The following LRP1B variants were observed in gnomAD, a reference collection of about 807,000 sequenced individuals.
LRP1B encodes the protein LDL receptor related protein 1B.
Under a neutral mutation model 556.6 loss-of-function variants are expected in LRP1B, and 217 were observed. The ratio of observed to expected loss-of-function variants is 0.39; its 90% CI spans 0.35 to 0.44. The LOEUF (loss-of-function observed/expected upper bound fraction) is 0.44. Among genes scored for constraint, LRP1B ranks in the 20% least tolerant of loss-of-function variants. The pLI is 1.00. For missense variants in LRP1B, 5,053 were observed against 5,620.8 expected, an observed-to-expected ratio of 0.90 and a Z score of 3.23; for synonymous variants, 2,047 against 1,865.8, an observed-to-expected ratio of 1.10 and a Z score of -2.50.
chr2:140,386,307 C>G (rs1237356078), intron 66 of LRP1B, among the ~76,000 whole-genome samples: 1 of 152,218 alleles, frequency 6.6e-6, no homozygotes, highest in Non-Finnish European at 1.5e-5. Flanking sequence ...GGCATGGTGG[C>G]TCACGCCTGT....
At chr2:140,650,040 A>G (rs1445592284) in intron 41 of LRP1B, among the ~76,000 whole-genome samples, 1 of 152,148 alleles carries the variant, frequency 6.6e-6, no homozygotes, top group Non-Finnish European at 1.5e-5. Flanking sequence ...ATTTACTTTT[A>G]TATTCAACTT....
At chr2:141,215,871 G>A (rs185822116) in intron 6 of LRP1B, among the ~76,000 whole-genome samples, 2 of 152,334 alleles carry the variant, frequency 1.3e-5, no homozygotes, top group East Asian at 1.9e-4. Context: ...AGGAAGCAGA[G>A]TATAAAAGTT....
At chr2:141,510,236 C>CACACA (rs1553524111) in intron 2 of LRP1B, among the ~76,000 whole-genome samples, 9,654 of 131,966 alleles carry the variant, frequency 0.073, 433 homozygotes, top group East Asian at 0.16. Flanking sequence ...ACACACACAC[C>CACACA]CCCCACAGTC....
intron 7 of LRP1B, among the ~76,000 whole-genome samples, chr2:141,093,357 G>A (rs1031076845): frequency 6.6e-6 from 1 of 152,088 alleles, no homozygotes; most frequent in African/African-American, 2.4e-5. Context: ...CATCAAAGGA[G>A]AATAAAATGT....
At chr2:141,509,511 TA>T (rs2105148491) in intron 2 of LRP1B, among the ~76,000 whole-genome samples, 1 of 152,264 alleles carries the variant, frequency 6.6e-6, no homozygotes, top group East Asian at 1.9e-4. Flanking sequence ...AATCTTCTTT[TA>T]AAAATCTGAA....
At chr2:141,312,809 C>A (rs1393594939) in intron 3 of LRP1B, among the ~76,000 whole-genome samples, 2 of 151,988 alleles carry the variant, frequency 1.3e-5, no homozygotes, top group African/African-American at 4.8e-5. Flanking sequence ...TTGCCTCAGC[C>A]TCCTGAGTAG....
At chr2:140,846,499 G>T (rs190126575) in intron 29 of LRP1B, among the ~76,000 whole-genome samples, 1 of 152,194 alleles carries the variant, frequency 6.6e-6, no homozygotes, top group Non-Finnish European at 1.5e-5. Context: ...GGAGTTTGCA[G>T]TGAGCCCAGA....
At chr2:141,877,335 G>C (rs1000918934) in intron 1 of LRP1B, among the ~76,000 whole-genome samples, 1 of 151,970 alleles carries the variant, frequency 6.6e-6, no homozygotes, top group Non-Finnish European at 1.5e-5. Context: ...GGAAGTAGCA[G>C]TCTAGCAAGG....
At chr2:141,424,942 A>C (rs1397296154) in intron 3 of LRP1B, among the ~76,000 whole-genome samples, 1 of 152,008 alleles carries the variant, frequency 6.6e-6, no homozygotes, top group Non-Finnish European at 1.5e-5. Context: ...ATTATACTTT[A>C]AGTTTTAGGG....
intron 1 of LRP1B, among the ~76,000 whole-genome samples, chr2:141,933,324 A>G (rs1045886989): frequency 2.0e-5 from 3 of 152,122 alleles, no homozygotes; most frequent in Non-Finnish European, 4.4e-5. Context: ...GACAGTTAAG[A>G]AATACTCTGA....
intron 9 of LRP1B, among the ~76,000 whole-genome samples, chr2:141,057,108 C>A (rs1265781142): frequency 3.3e-5 from 5 of 151,828 alleles, no homozygotes; most frequent in Admixed American, 1.3e-4. Context: ...TCCTCTGTAA[C>A]CTTCCAACCT....
At chr2:140,921,285 A>T (rs1694729976) in intron 21 of LRP1B, among the ~76,000 whole-genome samples, 1 of 151,978 alleles carries the variant, frequency 6.6e-6, no homozygotes, top group Admixed American at 6.6e-5. Flanking sequence ...CAAGTAATTG[A>T]AACTCAGGAT....
Position 140,601,487 on chromosome 2 carries a change from C to G in LRP1B, c.6952G>C (p.Asp2318His), listed in dbSNP as rs2105198326. ...REAVITMSED[D>H]HPHVLALDEC... ...TCCAAGGCTAGCACATGTGGATGGT[C>G]ATCTTCTGACATGGTGATGACAGCT... The change falls in exon 42 of 91, where the codon GAC becomes CAC. Residue 2318 changes from aspartate (D) to histidine (H), a missense_variant. Asp to His is a moderately conservative substitution (Grantham distance 81). Around this residue, in one of 5 missense-constraint regions of LRP1B, gnomAD observed 3,619 missense variants for 3,931.9 expected, o/e 0.92. Transcript: ENST00000389484. 1.2e-6 allele frequency: 2 copies of G among 1,612,690 alleles called. No homozygotes were observed. Among genetic ancestry groups the G allele is most frequent in the Non-Finnish European group, 1.7e-6 (2 of 1,179,130 alleles).
intron 19 of LRP1B, among the ~76,000 whole-genome samples, chr2:140,951,458 G>A (rs1382429057): frequency 6.6e-6 from 1 of 151,958 alleles, no homozygotes; most frequent in Non-Finnish European, 1.5e-5. Context: ...AATACCATTT[G>A]AACATAAGAG....
At chr2:140,515,619 C>T (rs150794644) in intron 50 of LRP1B, among the ~76,000 whole-genome samples, 190 of 151,986 alleles carry the variant, frequency 1.3e-3, no homozygotes, top group African/African-American at 4.1e-3. Context: ...ATTTAAAATG[C>T]TTAATTAGAT....
In LRP1B at chr2:141,712,836, A is replaced by ATT. The variant is rs1192189235; in HGVS notation, c.205+97441_205+97442dup. Among the ~76,000 whole-genome samples the ATT allele has an allele frequency of 1.5e-3, 158 of 103,334 alleles. 3 individuals carry two copies. The highest frequency in any genetic ancestry group is 5.0e-3 in the African/African-American group (129 of 26,004). 67.8% of individuals were successfully genotyped at this position (103,334 alleles called of 152,430 possible). On this transcript the variant is annotated intron_variant, in intron 2 of 90. Transcript: ENST00000389484. ...AGGTGCCTGCCACCATGCCCAGCTA[A>ATT]TTTTTTTTTTTTTTTTTTTTTTTAG...
At chr2:141,775,949 TCTC>T (rs1420039362) in intron 2 of LRP1B, among the ~76,000 whole-genome samples, 7 of 151,698 alleles carry the variant, frequency 4.6e-5, no homozygotes, top group Non-Finnish European at 8.8e-5. Flanking sequence ...TTCACACCAT[TCTC>T]CTGCCTCAGC....
chr2:141,659,422 T>C (rs2105392655), intron 2 of LRP1B, among the ~76,000 whole-genome samples: 1 of 152,284 alleles, frequency 6.6e-6, no homozygotes, highest in Admixed American at 6.5e-5. Flanking sequence ...GTGTCTTTAT[T>C]GGCACAAAAG....
At chr2:141,432,283 C>T (rs547417760) in intron 3 of LRP1B, among the ~76,000 whole-genome samples, 1 of 151,994 alleles carries the variant, frequency 6.6e-6, no homozygotes, top group Non-Finnish European at 1.5e-5. Flanking sequence ...TTGCATTTCT[C>T]GAATCCCATT....
Sources: allele counts gnomAD v4.1 joint callset (sites outside exome capture counted in the v4.1 genomes callset), GRCh38; gene constraint gnomAD v4.1.1; regional missense constraint gnomAD v4.1.1; transcripts MANE v1.5; gene names NCBI Gene and HGNC (gene_info 2026-07-23, HGNC 2026-07-21).